Variants in PHF11 observed in about 807,000 individuals in gnomAD.
The protein encoded by PHF11 is BRCA1 C-terminus-associated protein.
PHF11 carries 38 observed loss-of-function variants against 40.5 expected under a neutral mutation model. The observed-to-expected ratio is 0.94, with a 90% CI of 0.72 to 1.23. The LOEUF is 1.23. Ranked by LOEUF, PHF11 falls within the 50% of genes most tolerant of loss-of-function variation. PHF11 has a pLI of 0.00. For missense variants in PHF11, 369 were observed against 392.4 expected (o/e 0.94, Z 0.50); for synonymous variants, 127 against 138.2 (o/e 0.92, Z 0.57).
At position 49,524,049 on chromosome 13, in the gene PHF11, G is replaced by A. The variant is rs770505511; in HGVS notation, c.638-36G>A. ...AGTAATTTATGATTAGCTGCCCTAA[G>A]ACTATTTCCTTCTCAAATGTTTGTC... On this transcript the variant is annotated intron_variant, in intron 7 of 9. Transcript: ENST00000378319. 9.5e-6 allele frequency: 15 copies of A among 1,582,654 alleles called. No homozygotes were observed. In the Middle Eastern group the frequency reaches 5.0e-4, roughly 53 times the overall value.
At chr13:49,501,066 T>G (rs973881846) in intron 1 of PHF11, among the ~76,000 whole-genome samples, 5 of 141,500 alleles carry the variant, frequency 3.5e-5, no homozygotes, top group Non-Finnish European at 7.5e-5. Flanking sequence ...TAGGCTGGAG[T>G]GCAATGGTGC....
rs754216594 is a variant in PHF11 at position 49,517,986 on chromosome 13, G to A, written c.325-32G>A. The A allele has an allele frequency of 1.1e-5, 13 of 1,155,088 alleles. No homozygotes were observed. The South Asian group carries it at 1.5e-4, about 13-fold the overall frequency. The allele number at this position is 1,155,088 out of a possible 1,614,324, so 71.6% of individuals were successfully genotyped here. On this transcript the variant is annotated intron_variant, in intron 3 of 9. Transcript: ENST00000378319. ...AATTTTAACAAATAACAACAAACAG[G>A]TACTTACTCAGTAAAATCTATTCTT...
rs139878500 is a variant in PHF11 at position 49,523,491 on chromosome 13, A to G, written c.637+250A>G. 35 of 486,692 alleles carry G rather than the reference A, an allele frequency of 7.2e-5. No homozygotes were observed. The East Asian group carries it at 1.4e-3, about 19-fold the overall frequency. 30.1% of individuals were successfully genotyped at this position (486,692 alleles called of 1,614,324 possible). On this transcript the variant is annotated intron_variant, in intron 7 of 9. Transcript: ENST00000378319. ...GACTTCTATTAATAAAGACACAGACAGGCTTGCCTGAGCTCAGAATCCAGC... is the reference window on the plus strand; with the variant it reads ...GACTTCTATTAATAAAGACACAGACGGGCTTGCCTGAGCTCAGAATCCAGC...
At chr13:49,516,624 G>C (rs1012391525) in intron 3 of PHF11, among the ~76,000 whole-genome samples, 1 of 151,362 alleles carries the variant, frequency 6.6e-6, no homozygotes, top group Non-Finnish European at 1.5e-5. Context: ...CAGATTCTCC[G>C]TCTGTCGCCC....
Position 49,496,073 on chromosome 13 carries a change from G to A in PHF11, c.72G>A (p.Gln24=). The A allele has an allele frequency of 2.8e-6, 4 of 1,429,720 alleles. No homozygotes were observed. Among genetic ancestry groups the A allele is most frequent in the Non-Finnish European group, 3.6e-6 (4 of 1,097,046 alleles). 88.6% of individuals were successfully genotyped at this position (1,429,720 alleles called of 1,614,324 possible). The change falls in exon 1 of 10, where the codon CAG becomes CAA. Residue 24 remains glutamine (Q), a synonymous_variant. Coordinates refer to ENST00000378319, the MANE Select transcript of PHF11 (RefSeq NM_001040443.3). ...GASSPEARPA[Q]EALLLPTGVF... ...GCAGCCCGGAGGCCCGGCCCGCGCA[G>A]GAGGCGCTCCTCCTTCCCACCGGTG...
intron 1 of PHF11, 76 bp from the exon 2 acceptor site, chr13:49,506,559 C>T: frequency 7.4e-7 from 1 of 1,353,100 alleles, no homozygotes; most frequent in Non-Finnish European, 1.1e-6. Flanking sequence ...CTGCCTTCCA[C>T]TTGAAGACTG....
intron 2 of PHF11, among the ~76,000 whole-genome samples, chr13:49,507,781 T>G (rs2139043468): frequency 6.6e-6 from 1 of 152,260 alleles, no homozygotes; most frequent in Non-Finnish European, 1.5e-5. Context: ...AACAGAATGG[T>G]TTATGGGTAC....
chr13:49,504,114 C>T (rs902115025), intron 1 of PHF11, among the ~76,000 whole-genome samples: 11 of 151,958 alleles, frequency 7.2e-5, no homozygotes, highest in Admixed American at 7.2e-4. Context: ...TCTTGTTGGA[C>T]AGCATCGGTC....
At chr13:49,528,396 C>A in intron 9 of PHF11, 115 bp from the exon 10 acceptor site, 1 of 705,628 alleles carries the variant, frequency 1.4e-6, no homozygotes, top group Non-Finnish European at 2.3e-6. Context: ...TCCTTTTCAC[C>A]AGAGGCACGA....
At chr13:49,505,146 G>GAA (rs59506067) in intron 1 of PHF11, among the ~76,000 whole-genome samples, 58 of 120,814 alleles carry the variant, frequency 4.8e-4, no homozygotes, top group African/African-American at 1.5e-3. Context: ...AAATAAAAAT[G>GAA]AAAAAAAAAA....
chr13:49,501,468 CTT>C lies in PHF11; in HGVS notation c.95-5165_95-5164del, dbSNP rs557120789. Among the ~76,000 whole-genome samples the C allele has an allele frequency of 2.2e-4, 34 of 152,204 alleles. 2 individuals carry two copies. In the South Asian group the frequency reaches 7.0e-3, roughly 32 times the overall value. The stretch of plus-strand genomic sequence containing the variant: ...CCCAGTTTCATCCTAGGGCAGGGGA[CTT>C]TGTGTTGTCAAATATTAACATATAT... On this transcript the variant is annotated intron_variant, in intron 1 of 9. Transcript: ENST00000378319.
chr13:49,515,837 G>C (rs1046303143), intron 3 of PHF11, among the ~76,000 whole-genome samples: 6 of 152,064 alleles, frequency 3.9e-5, no homozygotes, highest in African/African-American at 1.2e-4. Context: ...TATGTTCCCC[G>C]TGCAGAAAGA....
At chr13:49,514,220 CA>C (rs2096063479) in intron 3 of PHF11, among the ~76,000 whole-genome samples, 1 of 152,102 alleles carries the variant, frequency 6.6e-6, no homozygotes, top group Non-Finnish European at 1.5e-5. Flanking sequence ...GGTTAATAAC[CA>C]GGGACAAATG....
intron 4 of PHF11, among the ~76,000 whole-genome samples, chr13:49,520,607 G>A (rs142030562): frequency 6.6e-6 from 1 of 152,110 alleles, no homozygotes. Context: ...AAATCTCACT[G>A]ACCACTGTAT....
chr13:49,517,006 A>C (rs1305913236), intron 3 of PHF11, among the ~76,000 whole-genome samples: 1 of 151,930 alleles, frequency 6.6e-6, no homozygotes, highest in Admixed American at 6.6e-5. Flanking sequence ...TTTTTGTTTA[A>C]CATTGTTATC....
rs941300478 is a variant in PHF11, at chr13:49,506,996, C to T, written c.216+240C>T. Among the ~76,000 whole-genome samples the T allele has an allele frequency of 3.3e-5, 5 of 151,116 alleles. No homozygotes were observed. The South Asian group carries it at 6.3e-4, about 19-fold the overall frequency. The stretch of plus-strand genomic sequence containing the variant: ...TTGAATCACTGCAAGCTCCGCTTCC[C>T]GGGTTCACGCCATTCTCCTGCCTCA... On this transcript the variant is annotated intron_variant, in intron 2 of 9. Transcript: ENST00000378319.
intron 1 of PHF11, among the ~76,000 whole-genome samples, chr13:49,502,897 T>G (rs1326795572): frequency 6.6e-6 from 1 of 152,050 alleles, no homozygotes; most frequent in Non-Finnish European, 1.5e-5. Context: ...TAATTTTTTT[T>G]TTTAATGTAG....
intron 1 of PHF11, among the ~76,000 whole-genome samples, chr13:49,504,594 G>T: frequency 1.8e-5 from 2 of 110,858 alleles, no homozygotes; most frequent in African/African-American, 7.1e-5. Flanking sequence ...AGGGAGGTGG[G>T]GGGTCAGCCC....
Position 49,528,816 on chromosome 13 carries a change from C to T in PHF11, c.*151C>T, listed in dbSNP as rs1163958490. ...TGTTCTTACTGGTTGACATTTTGAT[C>T]ACTCTTTGCACACTCTTGTGTTTTT... On this transcript the variant is annotated 3_prime_UTR_variant, in exon 10 of 10. Coordinates refer to ENST00000378319, the MANE Select transcript of PHF11 (RefSeq NM_001040443.3). 1.7e-6 allele frequency: 1 copy of T among 581,620 alleles called. No individual in the cohort carries two copies. The highest frequency in any genetic ancestry group is 1.9e-5 in the African/African-American group (1 of 53,644). The allele number at this position is 581,620 out of a possible 1,614,324, so 36.0% of individuals were successfully genotyped here. A position where few individuals can be genotyped will look rare whatever the true frequency, so the allele number is the denominator to read the frequency against.
Sources: gnomAD v4.1 joint callset for allele counts (sites outside exome capture counted in the v4.1 genomes callset) on GRCh38, gnomAD v4.1.1 for gene constraint, MANE v1.5 for transcripts, NCBI Gene and HGNC (gene_info 2026-07-23, HGNC 2026-07-21) for gene names.